CTNNBL1: variants seen among roughly 807,000 people sequenced by gnomAD.
CTNNBL1 encodes beta-catenin-like protein 1.
A neutral mutation model predicts 72.7 loss-of-function variants in CTNNBL1; 31 were observed. The observed-to-expected ratio is 0.43, with a 90% CI of 0.32 to 0.58. The LOEUF is 0.58. CTNNBL1 is among the 20% of genes least tolerant of loss of function. CTNNBL1 has a pLI of 0.08. For missense variants in CTNNBL1, 534 were observed against 725.1 expected (o/e 0.74, Z 3.03); for synonymous variants, 240 against 267.3 (o/e 0.90, Z 1.00).
Position 37,777,384 on chromosome 20 carries a change from G to A in CTNNBL1, c.790G>A (p.Glu264Lys), listed in dbSNP as rs1262004480. 2 of 1,613,790 alleles carry A rather than the reference G, an allele frequency of 1.2e-6. No homozygotes were observed. Among genetic ancestry groups the A allele is most frequent in the African/African-American group, 2.7e-5 (2 of 74,912 alleles). ...PFDANKLYCSEVLAILLQDND... is the reference protein window; with the variant it reads ...PFDANKLYCSKVLAILLQDND... ...TGATGCCAACAAACTGTATTGCAGTGAAGTGCTGGCCATATTGCTCCAGGA... is the reference window on the plus strand; with the variant it reads ...TGATGCCAACAAACTGTATTGCAGTAAAGTGCTGGCCATATTGCTCCAGGA... Residue 264 changes from glutamate to lysine, a missense_variant, in exon 8 of 16, where the codon GAA (glutamate) becomes AAA (lysine). Coordinates refer to ENST00000361383, the MANE Select transcript of CTNNBL1 (RefSeq NM_030877.5).
chr20:37,871,869 G>C, intron 15 of CTNNBL1, 56 bp from the exon 16 acceptor site: 2 of 1,480,994 alleles, frequency 1.4e-6, no homozygotes, highest in Non-Finnish European at 1.9e-6. Flanking sequence ...AAGCGACGCA[G>C]CCACGGTGGA....
chr20:37,777,953 G>T (rs991508421), intron 9 of CTNNBL1, among the ~76,000 whole-genome samples: 5 of 152,120 alleles, frequency 3.3e-5, no homozygotes, highest in Admixed American at 2.0e-4. Context: ...ATATGATATT[G>T]TCAACTCAAA....
intron 11 of CTNNBL1, among the ~76,000 whole-genome samples, chr20:37,832,614 T>C (rs983103892): frequency 6.6e-6 from 1 of 152,180 alleles, no homozygotes; most frequent in East Asian, 1.9e-4. Context: ...ATTAATTCAC[T>C]TGTTGGCATG....
At chr20:37,698,446 C>T (rs1018747742) in intron 1 of CTNNBL1, among the ~76,000 whole-genome samples, 1 of 152,166 alleles carries the variant, frequency 6.6e-6, no homozygotes, top group African/African-American at 2.4e-5. Context: ...ATCCTCAATT[C>T]AAGGCTAAGT....
chr20:37,815,624 G>A (rs1279068415), intron 11 of CTNNBL1, among the ~76,000 whole-genome samples: 1 of 152,034 alleles, frequency 6.6e-6, no homozygotes, highest in Non-Finnish European at 1.5e-5. Flanking sequence ...GGCCCACATT[G>A]GCTCTTCTAA....
At chr20:37,695,056 G>A (rs138816983) in intron 1 of CTNNBL1, 2 of 152,292 alleles carry the variant, frequency 1.3e-5, no homozygotes, top group Admixed American at 1.3e-4. Context: ...ACACATTTGG[G>A]TTGGAGACTA....
intron 13 of CTNNBL1, among the ~76,000 whole-genome samples, chr20:37,856,382 T>C (rs370286443): frequency 2.0e-5 from 3 of 151,528 alleles, no homozygotes; most frequent in African/African-American, 7.3e-5. Context: ...AAATCCAGGG[T>C]GTAGGGGGTT....
intron 12 of CTNNBL1, among the ~76,000 whole-genome samples, chr20:37,840,816 G>T (rs1376331058): frequency 2.0e-5 from 3 of 152,052 alleles, no homozygotes; most frequent in Non-Finnish European, 4.4e-5. Flanking sequence ...GATGGATCGG[G>T]CTATGGAAGC....
chr20:37,832,689 C>T (rs1298953515), intron 11 of CTNNBL1, among the ~76,000 whole-genome samples: 3 of 152,152 alleles, frequency 2.0e-5, no homozygotes, highest in African/African-American at 7.2e-5. Flanking sequence ...GCAATGGAAC[C>T]ATAATAGGCC....
At chr20:37,804,999 G>A (rs749500674) in intron 11 of CTNNBL1, among the ~76,000 whole-genome samples, 3 of 152,242 alleles carry the variant, frequency 2.0e-5, no homozygotes, top group Non-Finnish European at 4.4e-5. Context: ...CCAGAGAGCA[G>A]AAGTGAACTC....
At chr20:37,765,848 T>C (rs1266963200) in intron 6 of CTNNBL1, among the ~76,000 whole-genome samples, 1 of 152,200 alleles carries the variant, frequency 6.6e-6, no homozygotes. Context: ...GTAGTATTTC[T>C]CCTCTTCCTT....
At chr20:37,746,429 G>A in intron 3 of CTNNBL1, 39 bp from the exon 4 acceptor site, 1 of 1,599,654 alleles carries the variant, frequency 6.3e-7, no homozygotes, top group East Asian at 2.2e-5. Flanking sequence ...TGCTGATAGT[G>A]CCCCTTTCCT....
intron 2 of CTNNBL1, among the ~76,000 whole-genome samples, chr20:37,735,444 T>A (rs2073163519): frequency 6.6e-6 from 1 of 152,206 alleles, no homozygotes; most frequent in East Asian, 1.9e-4. Flanking sequence ...AGTGGATGAG[T>A]TCAGGAAAGA....
At chr20:37,694,574 C>T (rs148330613) in intron 1 of CTNNBL1, among the ~76,000 whole-genome samples, 1,700 of 152,264 alleles carry the variant, frequency 0.011, 18 homozygotes, top group South Asian at 0.029. Context: ...AAGTCATTCC[C>T]CCCCTCTTTG....
In CTNNBL1 at chr20:37,706,561, C is replaced by G. The variant is rs542959531; in HGVS notation, c.30+12409C>G. Among the ~76,000 whole-genome samples, 3 of 152,356 alleles carry G rather than the reference C, an allele frequency of 2.0e-5. No individual in the cohort carries two copies. The South Asian group carries it at 6.2e-4, about 32-fold the overall frequency. ...AGCAATTCAGTCACATCTTCAGGCTCTGCTTCGAATTCTAGTTATCTTACT... is the reference window on the plus strand; with the variant it reads ...AGCAATTCAGTCACATCTTCAGGCTGTGCTTCGAATTCTAGTTATCTTACT... On this transcript the variant is annotated intron_variant, in intron 1 of 15. Transcript: ENST00000361383.
At chr20:37,783,377 TTTA>T (rs1196838756) in intron 10 of CTNNBL1, among the ~76,000 whole-genome samples, 1 of 152,184 alleles carries the variant, frequency 6.6e-6, no homozygotes, top group African/African-American at 2.4e-5. Context: ...TGCTCTGATC[TTTA>T]TTATTTCTCT....
intron 1 of CTNNBL1, among the ~76,000 whole-genome samples, chr20:37,730,168 A>G (rs1233739804): frequency 6.6e-6 from 1 of 152,210 alleles, no homozygotes; most frequent in African/African-American, 2.4e-5. Context: ...TCAAAAGGGG[A>G]GATGTGTAAC....
chr20:37,737,080 C>T (rs764165466), intron 2 of CTNNBL1, among the ~76,000 whole-genome samples: 1 of 151,714 alleles, frequency 6.6e-6, no homozygotes, highest in Non-Finnish European at 1.5e-5. Context: ...AAAAATTAGC[C>T]GGGCATGGGG....
chr20:37,705,480 A>G (rs1208838130), intron 1 of CTNNBL1, among the ~76,000 whole-genome samples: 3 of 152,174 alleles, frequency 2.0e-5, no homozygotes. Context: ...ATTTTTTTTT[A>G]ATTCTACAAA....
Sources: gnomAD v4.1 joint callset for allele counts (sites outside exome capture counted in the v4.1 genomes callset) on GRCh38, gnomAD v4.1.1 for gene constraint, MANE v1.5 for transcripts, NCBI Gene and HGNC (gene_info 2026-07-23, HGNC 2026-07-21) for gene names.